The following PCDHA4 variants were observed in gnomAD, a reference collection of about 807,000 sequenced individuals.
PCDHA4 encodes protocadherin alpha 4.
Under a neutral mutation model 61.4 loss-of-function variants are expected in PCDHA4, and 49 were observed. The observed-to-expected ratio is 0.80, with a 90% CI of 0.63 to 1.01. PCDHA4 has a LOEUF of 1.01. PCDHA4 is among the 50% of genes least tolerant of loss of function. The probability of loss-of-function intolerance (pLI) is 0.00; values close to 1 mark genes in which losing one functional copy is unlikely to be tolerated. For missense variants in PCDHA4, 1,254 were observed against 1,235.8 expected, an observed-to-expected ratio of 1.01 and a Z score of -0.22; for synonymous variants, 590 against 550.3, an observed-to-expected ratio of 1.07 and a Z score of -1.01.
chr5:140,933,645 G>A lies in PCDHA4; in HGVS notation c.2386-45304G>A, dbSNP rs1014286392. Among the ~76,000 whole-genome samples the A allele has an allele frequency of 3.3e-5, 5 of 151,892 alleles. No individual in the cohort carries two copies. The South Asian group carries it at 8.3e-4, about 25-fold the overall frequency. On this transcript the variant is annotated intron_variant, in intron 1 of 3. Transcript: ENST00000530339. ...TAGGCTGGCCCTGTTAAACAAGTTG[G>A]AAATCCTGTCTCTCTCTCTGTCTCT...
At position 140,967,833 on chromosome 5, in the gene PCDHA4, T is replaced by G. The variant is rs1554229998; in HGVS notation, c.2386-11116T>G. The G allele has an allele frequency of 1.2e-6, 2 of 1,614,014 alleles. No homozygotes were observed. The highest frequency in any genetic ancestry group is 4.5e-5 in the East Asian group (2 of 44,876). On this transcript the variant is annotated intron_variant, in intron 1 of 3. Transcript: ENST00000530339. The stretch of plus-strand genomic sequence containing the variant: ...CACTGCAAGGTGCTGGTGGACATCG[T>G]GGACGTGAATGACAATGCCCCAGAG...
rs140175664 is a variant in PCDHA4, at chr5:140,837,632, C to CCTTT, written c.2385+28076_2385+28079dup. Among the ~76,000 whole-genome samples, 52 of 151,222 alleles carry CCTTT rather than the reference C, an allele frequency of 3.4e-4. 1 individual carries two copies. Among genetic ancestry groups the CCTTT allele is most frequent in the Middle Eastern group, 6.8e-3 (2 of 294 alleles). On this transcript the variant is annotated intron_variant, in intron 1 of 3. Transcript: ENST00000530339. ...TAATTTGCCCCTTCCTTCCTTCCTT[C>CCTTT]CTTTCTTTCTTTCTTTCTTCCTTTT...
intron 1 of PCDHA4, chr5:140,929,398 A>G: frequency 6.6e-7 from 1 of 1,510,096 alleles, no homozygotes; most frequent in Non-Finnish European, 8.9e-7. Flanking sequence ...AATATTTCTT[A>G]GACAAGCCTT....
chr5:140,916,092 A>T (rs1396935399), intron 1 of PCDHA4, among the ~76,000 whole-genome samples: 1 of 152,092 alleles, frequency 6.6e-6, no homozygotes, highest in Non-Finnish European at 1.5e-5. Flanking sequence ...GTCCACAGGG[A>T]ATCTGCCTGG....
intron 1 of PCDHA4, chr5:140,842,909 C>G: frequency 6.3e-7 from 1 of 1,594,530 alleles, no homozygotes; most frequent in Non-Finnish European, 8.6e-7. Context: ...GGAGCTAGAG[C>G]TGCTGCAGTT....
chr5:140,933,677 T>A (rs1024721491), intron 1 of PCDHA4, among the ~76,000 whole-genome samples: 8 of 151,826 alleles, frequency 5.3e-5, no homozygotes, highest in African/African-American at 1.9e-4. Context: ...CTCTCTCACA[T>A]TTTTTTTCCT....
At chr5:140,838,152 C>G (rs1353802529) in intron 1 of PCDHA4, among the ~76,000 whole-genome samples, 3 of 150,110 alleles carry the variant, frequency 2.0e-5, no homozygotes, top group Non-Finnish European at 4.4e-5. Context: ...TTTACTCTGT[C>G]GCCCTCTCTG....
At chr5:140,911,654 T>C (rs1554194855) in intron 1 of PCDHA4, among the ~76,000 whole-genome samples, 1 of 152,218 alleles carries the variant, frequency 6.6e-6, no homozygotes, top group Non-Finnish European at 1.5e-5. Flanking sequence ...ATAGAGTTAC[T>C]AAACTCCTTG....
intron 1 of PCDHA4, among the ~76,000 whole-genome samples, chr5:140,906,598 C>T (rs1258343234): frequency 6.6e-6 from 1 of 152,238 alleles, no homozygotes; most frequent in African/African-American, 2.4e-5. Flanking sequence ...TCCTCTACTA[C>T]TCATTCTGTA....
At chr5:140,830,108 G>A (rs1472585258) in intron 1 of PCDHA4, 2 of 1,613,452 alleles carry the variant, frequency 1.2e-6, no homozygotes, top group African/African-American at 2.7e-5. Flanking sequence ...GGTGGAGAGT[G>A]GCCAGGCTCC....
intron 1 of PCDHA4, among the ~76,000 whole-genome samples, chr5:140,826,639 T>C (rs1554130613): frequency 6.6e-6 from 1 of 152,114 alleles, no homozygotes; most frequent in African/African-American, 2.4e-5. Context: ...GACTTTTATA[T>C]GAAGGTAACA....
intron 1 of PCDHA4, chr5:140,836,303 G>C: frequency 6.2e-7 from 1 of 1,613,706 alleles, no homozygotes; most frequent in East Asian, 2.2e-5. Flanking sequence ...TAGATGAGAC[G>C]GACGCACCGC....
At chr5:140,831,068 A>G (rs1322669648) in intron 1 of PCDHA4, 1 of 152,158 alleles carries the variant, frequency 6.6e-6, no homozygotes, top group Non-Finnish European at 1.5e-5. Flanking sequence ...CCCCTTTTAA[A>G]CCATTGAGGA....
At chr5:141,006,313 G>A (rs190584023) in intron 3 of PCDHA4, among the ~76,000 whole-genome samples, 18 of 152,072 alleles carry the variant, frequency 1.2e-4, no homozygotes, top group Admixed American at 1.1e-3. Context: ...CCGGGTTCAT[G>A]CCATTCTCCT....
At chr5:140,918,562 A>G (rs536690328) in intron 1 of PCDHA4, among the ~76,000 whole-genome samples, 17 of 152,330 alleles carry the variant, frequency 1.1e-4, no homozygotes, top group African/African-American at 3.4e-4. Context: ...AGAAGAATGT[A>G]TATTATGCTG....
At chr5:140,941,185 C>CTTTT (rs782102770) in intron 1 of PCDHA4, among the ~76,000 whole-genome samples, 28 of 102,174 alleles carry the variant, frequency 2.7e-4, no homozygotes, top group African/African-American at 6.8e-4. Flanking sequence ...CATCCTGCTT[C>CTTTT]TTTTTTTTTC....
chr5:140,809,149 C>G lies in PCDHA4; in HGVS notation c.1962C>G (p.His654Gln). 6.2e-7 allele frequency: 1 copy of G among 1,613,944 alleles called. No homozygotes were observed. ...GCCTACTGGTACTGGTGAAGGACCA[C>G]GGCGAGCCCGCGCTGACGGCCACGG... ...RHRLLVLVKD[H>Q]GEPALTATAT... Residue 654 changes from histidine to glutamine, a missense_variant, in exon 1 of 4, where the codon CAC becomes CAG. Transcript: ENST00000530339.
chr5:140,983,275 A>C (rs1279699182), intron 3 of PCDHA4, among the ~76,000 whole-genome samples: 1 of 152,230 alleles, frequency 6.6e-6, no homozygotes, highest in Non-Finnish European at 1.5e-5. Flanking sequence ...TGGCTGGGTG[A>C]GTATAGGAAA....
At chr5:140,829,414 G>C (rs782476572) in intron 1 of PCDHA4, 12 of 1,614,044 alleles carry the variant, frequency 7.4e-6, no homozygotes, top group African/African-American at 6.7e-5. Flanking sequence ...CCGCCAGCTT[G>C]TCTGTGGAGG....
Sources: gnomAD v4.1 joint callset for allele counts (sites outside exome capture counted in the v4.1 genomes callset) on GRCh38, gnomAD v4.1.1 for gene constraint, MANE v1.5 for transcripts, NCBI Gene and HGNC (gene_info 2026-07-23, HGNC 2026-07-21) for gene names.